Variants in RBFOX1 observed in about 807,000 individuals in gnomAD.
RBFOX1 encodes RNA binding protein fox-1 homolog 1.
Under a neutral mutation model 57.7 loss-of-function variants are expected in RBFOX1, and 8 were observed. That is an observed-to-expected ratio of 0.14 (90% CI 0.08 to 0.25). The LOEUF (loss-of-function observed/expected upper bound fraction) is 0.25, where lower values mean the gene tolerates loss of function less well. RBFOX1 is among the 10% of genes least tolerant of loss of function. RBFOX1 has a pLI of 1.00. For synonymous variants in RBFOX1, 326 were observed against 222.4 expected (o/e 1.47, Z -4.15); for missense variants, 611 against 548.5 (o/e 1.11, Z -1.14).
intron 3 of RBFOX1, among the ~76,000 whole-genome samples, chr16:6,929,116 C>A (rs957843765): frequency 6.6e-6 from 1 of 152,130 alleles, no homozygotes; most frequent in Non-Finnish European, 1.5e-5. Context: ...GCCCACATTG[C>A]AACTCTTCAA....
rs544581809 is a variant in RBFOX1 at position 7,396,716 on chromosome 16, G to A, written c.28-121431G>A. On this transcript the variant is annotated intron_variant, in intron 4 of 15. Transcript: ENST00000550418. ...GCACTTTGGGAGGCTGAGGTGGGTG[G>A]ATCACTTGAGGTCAGAAGTTCAAGA... is the stretch of plus-strand genomic sequence containing the variant. 3.3e-5 allele frequency among the ~76,000 whole-genome samples: 5 copies of A among 152,274 alleles called. No individual in the cohort carries two copies. In the South Asian group the frequency reaches 1.0e-3, roughly 32 times the overall value.
At chr16:6,204,119 G>T (rs2097236854) in intron 1 of RBFOX1, among the ~76,000 whole-genome samples, 1 of 151,924 alleles carries the variant, frequency 6.6e-6, no homozygotes, top group African/African-American at 2.4e-5. Flanking sequence ...GGAGAACACA[G>T]TTATTCCTAT....
chr16:7,565,481 C>A (rs2091452852), intron 5 of RBFOX1, among the ~76,000 whole-genome samples: 2 of 152,120 alleles, frequency 1.3e-5, no homozygotes. Flanking sequence ...CATGCTCTGC[C>A]CTGCTATTCT....
At chr16:5,370,161 C>G (rs1194937536) in intron 1 of RBFOX1, among the ~76,000 whole-genome samples, 1 of 152,158 alleles carries the variant, frequency 6.6e-6, no homozygotes, top group Non-Finnish European at 1.5e-5. Context: ...TTGCAAAGCT[C>G]ACTCCTGCCC....
chr16:5,355,012 A>C (rs200965683), intron 1 of RBFOX1, among the ~76,000 whole-genome samples: 3 of 24,320 alleles, frequency 1.2e-4, no homozygotes, highest in Non-Finnish European at 7.4e-4. Context: ...TGTATATGAG[A>C]GAGAGAGAGG....
intron 4 of RBFOX1, among the ~76,000 whole-genome samples, chr16:7,233,125 T>TA (rs996127466): frequency 2.6e-5 from 4 of 151,920 alleles, no homozygotes; most frequent in African/African-American, 9.7e-5. Flanking sequence ...CCTTCCCAGT[T>TA]AAAAACCCCA....
intron 1 of RBFOX1, among the ~76,000 whole-genome samples, chr16:5,355,502 A>G (rs2151325261): frequency 6.6e-6 from 1 of 152,340 alleles, no homozygotes; most frequent in African/African-American, 2.4e-5. Context: ...GCCTGAGGTC[A>G]GCTGAAGCTG....
At chr16:6,001,092 T>A (rs567364389) in intron 4 of RBFOX1, among the ~76,000 whole-genome samples, 49 of 152,234 alleles carry the variant, frequency 3.2e-4, no homozygotes, top group African/African-American at 1.1e-3. Context: ...TAAATTAAAA[T>A]TAATTAAAAT....
intron 2 of RBFOX1, among the ~76,000 whole-genome samples, chr16:6,418,515 C>G (rs188094940): frequency 1.3e-3 from 179 of 139,468 alleles, no homozygotes; most frequent in Middle Eastern, 0.011. Context: ...TTTCTGCAAG[C>G]CTTATTTTTT....
intron 3 of RBFOX1, among the ~76,000 whole-genome samples, chr16:6,812,520 C>G (rs2088956352): frequency 1.3e-5 from 2 of 151,968 alleles, no homozygotes; most frequent in African/African-American, 2.4e-5. Context: ...ATTACAGGCA[C>G]ATGACACCAC....
At chr16:5,491,295 A>G (rs2042820260) in intron 2 of RBFOX1, among the ~76,000 whole-genome samples, 1 of 152,142 alleles carries the variant, frequency 6.6e-6, no homozygotes, top group African/African-American at 2.4e-5. Flanking sequence ...CCACCCACCT[A>G]GCGACTCGGC....
chr16:6,739,235 G>C (rs1441788792), intron 3 of RBFOX1, among the ~76,000 whole-genome samples: 5 of 145,908 alleles, frequency 3.4e-5, no homozygotes, highest in South Asian at 4.6e-4. Context: ...TAGTAGGGAT[G>C]ATAGAAAAAA....
In RBFOX1 at chr16:5,869,698, C is replaced by T. The variant is rs894472314; in HGVS notation, c.351+2363C>T. Among the ~76,000 whole-genome samples the T allele has an allele frequency of 1.8e-4, 27 of 152,242 alleles. 1 individual carries two copies. Among genetic ancestry groups the T allele is most frequent in the African/African-American group, 4.8e-4 (20 of 41,558 alleles). ...GATTACAGGCATGAGCCACCGCGCC[C>T]GGCTGTTCACAAGATATTTCTTATC... On this transcript the variant is annotated intron_variant, in intron 4 of 19. Transcript: ENST00000641259.
chr16:7,175,304 C>A (rs1313442631), intron 4 of RBFOX1, among the ~76,000 whole-genome samples: 1 of 152,126 alleles, frequency 6.6e-6, no homozygotes. Flanking sequence ...AGTGCATGAT[C>A]TTTCAATGAA....
intron 2 of RBFOX1, among the ~76,000 whole-genome samples, chr16:6,347,528 G>A (rs1033324268): frequency 5.3e-5 from 8 of 152,298 alleles, no homozygotes; most frequent in South Asian, 2.1e-4. Context: ...ATCATGGGGC[G>A]CTGTGGAGGC....
chr16:5,597,295 C>T (rs1039139241), intron 2 of RBFOX1, among the ~76,000 whole-genome samples: 1 of 147,328 alleles, frequency 6.8e-6, no homozygotes, highest in Non-Finnish European at 1.5e-5. Flanking sequence ...CCGTTGCTCT[C>T]CCGCCCTCTC....
chr16:6,271,812 C>T (rs1422938403), intron 1 of RBFOX1, among the ~76,000 whole-genome samples: 1 of 152,032 alleles, frequency 6.6e-6, no homozygotes, highest in African/African-American at 2.4e-5. Context: ...AAGTTTAAAC[C>T]TCCTAAAAAA....
chr16:6,238,085 T>A (rs2097520147), intron 1 of RBFOX1, among the ~76,000 whole-genome samples: 2 of 134,432 alleles, frequency 1.5e-5, no homozygotes, highest in African/African-American at 2.9e-5. Context: ...AATGAGACTC[T>A]GTCTCAAAAA....
rs1265421816 is a variant in RBFOX1 at position 6,872,398 on chromosome 16, C to CT, written c.-15-179652dup. On this transcript the variant is annotated intron_variant, in intron 3 of 15. Transcript: ENST00000550418. ...TAATAGCTTTACTATGACCATAGCTCTTTTTTTAATCGATCACCTTTTAAC... is the reference window on the plus strand; with the variant it reads ...TAATAGCTTTACTATGACCATAGCTCTTTTTTTTAATCGATCACCTTTTAAC... Among the ~76,000 whole-genome samples, 4 of 152,030 alleles carry CT rather than the reference C, an allele frequency of 2.6e-5. No homozygotes were observed. In the South Asian group the frequency reaches 8.3e-4, roughly 32 times the overall value.
Sources: allele counts gnomAD v4.1 joint callset (sites outside exome capture counted in the v4.1 genomes callset), GRCh38; gene constraint gnomAD v4.1.1; transcripts MANE v1.5; gene names NCBI Gene and HGNC (gene_info 2026-07-23, HGNC 2026-07-21).